The following CALN1 variants were observed in gnomAD, a reference collection of about 807,000 sequenced individuals.
CALN1 encodes calneuron 1.
Under a neutral mutation model 30.6 loss-of-function variants are expected in CALN1, and 17 were observed. The ratio of observed to expected loss-of-function variants is 0.56; its 90% CI spans 0.38 to 0.83. CALN1 has a LOEUF of 0.83. Ranked by LOEUF, CALN1 falls within the 40% of genes least tolerant of loss-of-function variation. CALN1 has a pLI of 0.00. For synonymous variants in CALN1, 156 were observed against 131.4 expected (o/e 1.19, Z -1.28); for missense variants, 291 against 354.9 (o/e 0.82, Z 1.45).
chr7:72,353,390 GTTTT>G (rs1803048500), intron 2 of CALN1, among the ~76,000 whole-genome samples: 1 of 152,114 alleles, frequency 6.6e-6, no homozygotes, highest in Non-Finnish European at 1.5e-5. Flanking sequence ...ACAAGGTGGA[GTTTT>G]TTTAAGTCAT....
intron 5 of CALN1, among the ~76,000 whole-genome samples, chr7:71,870,108 C>A (rs981268880): frequency 6.6e-6 from 1 of 151,658 alleles, no homozygotes; most frequent in Admixed American, 6.6e-5. Context: ...GAGTGGCTGG[C>A]GCAGTGGCTC....
At chr7:72,076,466 C>T (rs1251427256) in intron 4 of CALN1, among the ~76,000 whole-genome samples, 79 of 150,900 alleles carry the variant, frequency 5.2e-4, no homozygotes, top group African/African-American at 2.4e-4. Flanking sequence ...GGTGTGGTGG[C>T]GCATGCCTGT....
At chr7:71,790,264 G>C (rs1279613158) in intron 6 of CALN1, among the ~76,000 whole-genome samples, 1 of 146,362 alleles carries the variant, frequency 6.8e-6, no homozygotes, top group East Asian at 2.0e-4. Flanking sequence ...AAGAAAGAAA[G>C]CAAGAAAGCA....
intron 4 of CALN1, among the ~76,000 whole-genome samples, chr7:72,045,781 C>A (rs1314705526): frequency 6.6e-6 from 1 of 152,002 alleles, no homozygotes; most frequent in African/African-American, 2.4e-5. Flanking sequence ...GGGTGGATCA[C>A]CTGAGGTCAG....
chr7:72,332,174 T>C (rs1801722567), intron 2 of CALN1, among the ~76,000 whole-genome samples: 1 of 152,176 alleles, frequency 6.6e-6, no homozygotes, highest in Non-Finnish European at 1.5e-5. Flanking sequence ...GAAGCAGCAG[T>C]GTACAGCAGC....
intron 4 of CALN1, among the ~76,000 whole-genome samples, chr7:72,085,957 G>A (rs1236785913): frequency 2.0e-5 from 3 of 151,934 alleles, no homozygotes; most frequent in African/African-American, 7.2e-5. Context: ...ATAATTCTCT[G>A]GGTAAAAATA....
chr7:72,163,058 G>T (rs1376943177), intron 3 of CALN1, among the ~76,000 whole-genome samples: 1 of 152,166 alleles, frequency 6.6e-6, no homozygotes, highest in African/African-American at 2.4e-5. Context: ...TTCAGCTGCC[G>T]CCCTCCATAG....
intron 2 of CALN1, among the ~76,000 whole-genome samples, chr7:72,302,406 G>A (rs1372266884): frequency 3.9e-5 from 6 of 152,166 alleles, no homozygotes; most frequent in Non-Finnish European, 7.3e-5. Flanking sequence ...CATCAGACAC[G>A]AGATAACAGT....
At chr7:71,892,490 T>G (rs1200245319) in intron 5 of CALN1, among the ~76,000 whole-genome samples, 2 of 152,150 alleles carry the variant, frequency 1.3e-5, no homozygotes, top group Admixed American at 1.3e-4. Flanking sequence ...ATGCAAAAAT[T>G]AGCCAGGAAT....
chr7:72,501,920 A>T, the CALN1 span, among the ~76,000 whole-genome samples: 1 of 87,628 alleles, frequency 1.1e-5, no homozygotes, highest in African/African-American at 6.5e-5. Flanking sequence ...AAAAAAAAAA[A>T]AAAAAAAAAT....
intron 3 of CALN1, among the ~76,000 whole-genome samples, chr7:72,110,096 A>G (rs1807456362): frequency 6.6e-6 from 1 of 152,090 alleles, no homozygotes; most frequent in Non-Finnish European, 1.5e-5. Flanking sequence ...CTCAATCCTG[A>G]ACTCTCTGGG....
intron 5 of CALN1, among the ~76,000 whole-genome samples, chr7:71,966,862 C>T (rs2129525929): frequency 6.6e-6 from 1 of 152,270 alleles, no homozygotes; most frequent in South Asian, 2.1e-4. Context: ...TTACATGCAA[C>T]TTTGTAAGTT....
Position 72,120,265 on chromosome 7 carries a change from A to C in CALN1, c.245-13971T>G, listed in dbSNP as rs147143784. 5.6e-3 allele frequency among the ~76,000 whole-genome samples: 852 copies of C among 152,326 alleles called. 8 individuals carry two copies. The highest frequency in any genetic ancestry group is 8.5e-3 in the Non-Finnish European group (576 of 68,018). On this transcript the variant is annotated intron_variant, in intron 3 of 6. Transcript: ENST00000395275. ...TAGCACATTTCATTCCATACTTTTT[A>C]ATATGCAAATGTTCTTAATTCAACT...
chr7:72,371,152 C>CG (rs1804220357), intron 2 of CALN1, among the ~76,000 whole-genome samples: 2 of 151,134 alleles, frequency 1.3e-5, no homozygotes, highest in Non-Finnish European at 2.9e-5. Flanking sequence ...TAAAAATTTG[C>CG]CTAACCTAGG....
chr7:71,943,471 C>T (rs1252807290), intron 5 of CALN1, among the ~76,000 whole-genome samples: 4 of 152,146 alleles, frequency 2.6e-5, no homozygotes, highest in African/African-American at 7.2e-5. Context: ...GACAGGATCT[C>T]ACTCTGTCAC....
intron 5 of CALN1, among the ~76,000 whole-genome samples, chr7:71,841,956 A>G (rs1789963089): frequency 6.6e-6 from 1 of 152,074 alleles, no homozygotes; most frequent in Admixed American, 6.6e-5. Flanking sequence ...GCATTGTACA[A>G]TATATCCATG....
intron 5 of CALN1, among the ~76,000 whole-genome samples, chr7:72,006,793 C>T (rs1408621139): frequency 6.6e-6 from 1 of 152,096 alleles, no homozygotes; most frequent in Non-Finnish European, 1.5e-5. Flanking sequence ...ATATAAAGCT[C>T]ATGTCTGTTC....
chr7:72,299,337 T>C (rs1228628843), intron 2 of CALN1, among the ~76,000 whole-genome samples: 1 of 152,166 alleles, frequency 6.6e-6, no homozygotes, highest in Non-Finnish European at 1.5e-5. Context: ...CTAGAAATTC[T>C]ACTTAATGCA....
At chr7:72,126,566 T>C (rs546603644) in intron 3 of CALN1, among the ~76,000 whole-genome samples, 86 of 151,306 alleles carry the variant, frequency 5.7e-4, no homozygotes, top group African/African-American at 2.1e-3. Flanking sequence ...AACTGAGCAA[T>C]GTACACTGTA....
Sources: allele counts gnomAD v4.1 joint callset (sites outside exome capture counted in the v4.1 genomes callset), GRCh38; gene constraint gnomAD v4.1.1; transcripts MANE v1.5; gene names NCBI Gene and HGNC (gene_info 2026-07-23, HGNC 2026-07-21).